TTC6: variants seen among roughly 807,000 people sequenced by gnomAD.
The protein encoded by TTC6 is tetratricopeptide repeat domain 6, also known as tetratricopeptide repeat protein 6.
Under a neutral mutation model 210.4 loss-of-function variants are expected in TTC6, and 172 were observed. The observed-to-expected ratio is 0.82, with a 90% CI of 0.72 to 0.93. The LOEUF is 0.93. TTC6 is among the 40% of genes least tolerant of loss of function. The pLI, the probability that TTC6 is intolerant of heterozygous loss-of-function variation, is 0.00. For missense variants in TTC6, 2,414 were observed against 2,318.1 expected (o/e 1.04, Z -0.85); for synonymous variants, 804 against 819.6 (o/e 0.98, Z 0.32).
chr14:37,659,997 A>G (rs938919309), intron 1 of TTC6, among the ~76,000 whole-genome samples: 1 of 152,168 alleles, frequency 6.6e-6, no homozygotes, highest in African/African-American at 2.4e-5. Flanking sequence ...GATGCTACAT[A>G]TTAGACCTTT....
chr14:37,732,650 G>A (rs1291076292), intron 7 of TTC6, among the ~76,000 whole-genome samples: 1 of 150,622 alleles, frequency 6.6e-6, no homozygotes, highest in Non-Finnish European at 1.5e-5. Context: ...ACGGAGTCTT[G>A]CTCTGTCGCC....
chr14:37,834,719 CT>C (rs1236533406), intron 29 of TTC6, among the ~76,000 whole-genome samples: 1 of 152,058 alleles, frequency 6.6e-6, no homozygotes, highest in Non-Finnish European at 1.5e-5. Flanking sequence ...TATTGCACTC[CT>C]TTTGAGGTGT....
chr14:37,728,127 C>A (rs2138859622), intron 7 of TTC6, among the ~76,000 whole-genome samples: 1 of 151,934 alleles, frequency 6.6e-6, no homozygotes, highest in Non-Finnish European at 1.5e-5. Flanking sequence ...TAATGAGAGA[C>A]TATATGGTGC....
intron 1 of TTC6, among the ~76,000 whole-genome samples, chr14:37,649,743 G>C (rs2095707846): frequency 6.6e-6 from 1 of 152,144 alleles, no homozygotes; most frequent in South Asian, 2.1e-4. Context: ...TATCTCTTTA[G>C]CCTCTTCATT....
Position 37,739,568 on chromosome 14 carries a change from TAA to T in TTC6, c.2363+434_2363+435del, listed in dbSNP as rs869033607. ...TGGATGACAGAGTGAGACTCCATCT[TAA>T]AAAAAAAAAAAAAAAAAAAAGAAAG... On this transcript the variant is annotated intron_variant, in intron 10 of 30. Coordinates refer to ENST00000553443, the Ensembl canonical transcript of TTC6. Among the ~76,000 whole-genome samples the T allele has an allele frequency of 1.4e-3, 171 of 122,358 alleles. 1 individual carries two copies. The highest frequency in any genetic ancestry group is 4.8e-3 in the African/African-American group (148 of 31,032). The allele number at this position is 122,358 out of a possible 152,430, so 80.3% of individuals were successfully genotyped here.
intron 1 of TTC6, among the ~76,000 whole-genome samples, chr14:37,652,313 G>C (rs1156993666): frequency 5.3e-5 from 8 of 152,182 alleles, no homozygotes; most frequent in Admixed American, 5.2e-4. Context: ...CACCCGATCA[G>C]AGAATAATTT....
chr14:37,732,593 C>T (rs1178875835), intron 7 of TTC6, among the ~76,000 whole-genome samples: 1 of 151,582 alleles, frequency 6.6e-6, no homozygotes, highest in African/African-American at 2.4e-5. Context: ...AGTAGACGAT[C>T]ATAAAGATCT....
intron 14 of TTC6, among the ~76,000 whole-genome samples, chr14:37,786,934 G>A (rs983144244): frequency 6.6e-6 from 1 of 152,108 alleles, no homozygotes; most frequent in Non-Finnish European, 1.5e-5. Flanking sequence ...TTCAAAATTG[G>A]AGTCAGAAGT....
chr14:37,744,370 G>A (rs1391147009), intron 10 of TTC6, among the ~76,000 whole-genome samples: 1 of 152,178 alleles, frequency 6.6e-6, no homozygotes, highest in African/African-American at 2.4e-5. Flanking sequence ...AAGCAGTGCA[G>A]CAAAGGTTAC....
intron 13 of TTC6, among the ~76,000 whole-genome samples, chr14:37,752,876 G>T (rs1046201495): frequency 6.8e-6 from 1 of 148,048 alleles, no homozygotes; most frequent in South Asian, 2.1e-4. Flanking sequence ...GTATATGCCG[G>T]TTTTTTTTTT....
chr14:37,612,934 C>T (rs559294805), intron 2 of TTC6, among the ~76,000 whole-genome samples: 30 of 152,230 alleles, frequency 2.0e-4, no homozygotes, highest in East Asian at 7.7e-4. Context: ...CAAATAGGGA[C>T]GCTTTAACCT....
chr14:37,607,632 T>C (rs2095627551), intron 2 of TTC6, among the ~76,000 whole-genome samples: 1 of 149,552 alleles, frequency 6.7e-6, no homozygotes. Context: ...TTTTTTTTTT[T>C]CTTTTTCTTT....
chr14:37,702,699 A>G (rs1158047562), intron 5 of TTC6, among the ~76,000 whole-genome samples: 1 of 152,176 alleles, frequency 6.6e-6, no homozygotes, highest in Non-Finnish European at 1.5e-5. Context: ...TTTTAATGAC[A>G]CTATCACAAG....
At chr14:37,739,468 C>T (rs2095911652) in intron 10 of TTC6, among the ~76,000 whole-genome samples, 1 of 150,550 alleles carries the variant, frequency 6.6e-6, no homozygotes. Context: ...CCCAGCTACT[C>T]AGGAGGCTGA....
At chr14:37,775,873 C>T (rs944453559) in intron 14 of TTC6, among the ~76,000 whole-genome samples, 1 of 151,864 alleles carries the variant, frequency 6.6e-6, no homozygotes, top group Non-Finnish European at 1.5e-5. Flanking sequence ...TTATGTAATG[C>T]CCTTCTTTGT....
At chr14:37,704,904 A>G (rs2095832437) in intron 5 of TTC6, among the ~76,000 whole-genome samples, 1 of 152,124 alleles carries the variant, frequency 6.6e-6, no homozygotes, top group Non-Finnish European at 1.5e-5. Context: ...TTAAAATATA[A>G]TTTATTCAAT....
chr14:37,605,326 C>A (rs1229257450), intron 1 of TTC6, among the ~76,000 whole-genome samples: 3 of 152,218 alleles, frequency 2.0e-5, no homozygotes, highest in Non-Finnish European at 4.4e-5. Flanking sequence ...GAAGGTCCTG[C>A]ATAGCAGCTT....
chr14:37,823,644 C>T (rs2096163272), intron 26 of TTC6, 103 bp from the exon 29 acceptor site: 3 of 1,019,388 alleles, frequency 2.9e-6, no homozygotes, highest in Non-Finnish European at 4.3e-6. Flanking sequence ...TTTAATGAGT[C>T]AATTCAAATC....
intron 20 of TTC6, 142 bp downstream of exon 22, chr14:37,797,089 C>A: frequency 2.6e-6 from 2 of 772,810 alleles, no homozygotes; most frequent in Non-Finnish European, 1.8e-6. Context: ...TATTTTCTCT[C>A]TTTTTTGTGC....
Sources: gnomAD v4.1 joint callset for allele counts (sites outside exome capture counted in the v4.1 genomes callset) on GRCh38, gnomAD v4.1.1 for gene constraint, MANE v1.5 for transcripts, NCBI Gene and HGNC (gene_info 2026-07-23, HGNC 2026-07-21) for gene names.